Variants in ACYP2 observed in about 807,000 individuals in gnomAD.
The protein encoded by ACYP2 is acylphosphatase-2.
Under a neutral mutation model 11.2 loss-of-function variants are expected in ACYP2, and 12 were observed. The ratio of observed to expected loss-of-function variants is 1.08; its 90% CI spans 0.69 to 1.74. The LOEUF (loss-of-function observed/expected upper bound fraction) is 1.74, where lower values mean the gene tolerates loss of function less well. Ranked by LOEUF, ACYP2 falls within the 40% of genes most tolerant of loss-of-function variation. The probability of loss-of-function intolerance (pLI) is 0.00; values close to 1 mark genes in which losing one functional copy is unlikely to be tolerated. For missense variants in ACYP2, 134 were observed against 101.9 expected (o/e 1.31, Z -1.35); for synonymous variants, 43 against 32.2 (o/e 1.33, Z -1.13).
At chr2:54,295,365 G>A (rs954892489) in intron 6 of ACYP2, among the ~76,000 whole-genome samples, 6 of 152,168 alleles carry the variant, frequency 3.9e-5, no homozygotes, top group African/African-American at 9.7e-5. Flanking sequence ...GGACTACCAT[G>A]AGTAAAATAT....
intron 6 of ACYP2, among the ~76,000 whole-genome samples, chr2:54,172,321 T>G (rs1420100712): frequency 6.6e-6 from 1 of 152,224 alleles, no homozygotes; most frequent in Non-Finnish European, 1.5e-5. Context: ...CAAAAGTCAT[T>G]ACTTAAGGCA....
intron 2 of ACYP2, among the ~76,000 whole-genome samples, chr2:53,986,497 C>G (rs1672044550): frequency 6.6e-6 from 1 of 151,654 alleles, no homozygotes; most frequent in Non-Finnish European, 1.5e-5. Flanking sequence ...GCACCACACT[C>G]AGCTAATTTG....
chr2:54,166,050 A>G (rs1682954712), intron 6 of ACYP2, among the ~76,000 whole-genome samples: 1 of 152,158 alleles, frequency 6.6e-6, no homozygotes, highest in Non-Finnish European at 1.5e-5. Flanking sequence ...CCATCCAGCA[A>G]TATCAGACCC....
chr2:54,188,759 C>T (rs148234248), intron 6 of ACYP2, among the ~76,000 whole-genome samples: 2 of 152,302 alleles, frequency 1.3e-5, no homozygotes, highest in East Asian at 3.9e-4. Flanking sequence ...GGCCCCACCC[C>T]AGACCTCCCA....
intron 2 of ACYP2, among the ~76,000 whole-genome samples, chr2:53,984,441 G>A (rs182841992): frequency 1.6e-4 from 25 of 152,032 alleles, no homozygotes; most frequent in Non-Finnish European, 2.5e-4. Context: ...GCTGGGTGTG[G>A]TGGTGCATGC....
intron 4 of ACYP2, among the ~76,000 whole-genome samples, chr2:54,078,873 C>T (rs1450177158): frequency 6.6e-6 from 1 of 152,220 alleles, no homozygotes; most frequent in Non-Finnish European, 1.5e-5. Flanking sequence ...GCTGGGACTA[C>T]AGGCATGAGC....
chr2:54,203,986 G>A (rs1684963020), intron 6 of ACYP2, among the ~76,000 whole-genome samples: 1 of 151,934 alleles, frequency 6.6e-6, no homozygotes, highest in African/African-American at 2.4e-5. Context: ...TGAGGTTTTT[G>A]TTGTTGTTGT....
intron 4 of ACYP2, among the ~76,000 whole-genome samples, chr2:54,058,376 A>C (rs1456599972): frequency 6.6e-6 from 1 of 151,402 alleles, no homozygotes; most frequent in African/African-American, 2.4e-5. Context: ...TTAAATCTTC[A>C]GTAGTTTTTC....
chr2:54,139,849 C>G (rs1374641745), intron 6 of ACYP2, among the ~76,000 whole-genome samples: 2 of 152,164 alleles, frequency 1.3e-5, no homozygotes, highest in Admixed American at 6.5e-5. Context: ...CTTTCTACAG[C>G]TTTCTCTTTC....
intron 6 of ACYP2, among the ~76,000 whole-genome samples, chr2:54,200,750 T>C (rs551109041): frequency 6.6e-6 from 1 of 152,330 alleles, no homozygotes. Flanking sequence ...CATATGTTAT[T>C]TGTTCTCTTG....
chr2:53,988,036 T>C (rs1342726368), intron 2 of ACYP2, among the ~76,000 whole-genome samples: 1 of 152,182 alleles, frequency 6.6e-6, no homozygotes, highest in Non-Finnish European at 1.5e-5. Flanking sequence ...TTATCAGTTT[T>C]TCCTTTAACG....
chr2:54,083,110 C>T (rs1677754687), intron 4 of ACYP2, among the ~76,000 whole-genome samples: 1 of 150,840 alleles, frequency 6.6e-6, no homozygotes, highest in Non-Finnish European at 1.5e-5. Flanking sequence ...CACTATTTCT[C>T]AGGAAAATTA....
chr2:54,113,084 G>A (rs562339370), intron 4 of ACYP2, among the ~76,000 whole-genome samples: 2 of 152,268 alleles, frequency 1.3e-5, no homozygotes, highest in African/African-American at 2.4e-5. Flanking sequence ...GAATGTTCAA[G>A]TTCCTAATAG....
intron 6 of ACYP2, among the ~76,000 whole-genome samples, chr2:54,297,667 C>T (rs2104161016): frequency 6.6e-6 from 1 of 152,174 alleles, no homozygotes; most frequent in South Asian, 2.1e-4. Context: ...TTCAGTAAGG[C>T]ATCTGATTAC....
At chr2:54,159,966 C>A (rs1051299703) in intron 6 of ACYP2, among the ~76,000 whole-genome samples, 6 of 152,176 alleles carry the variant, frequency 3.9e-5, no homozygotes, top group African/African-American at 1.4e-4. Flanking sequence ...TGTGTTGTAG[C>A]CCCTCACTGT....
At chr2:54,245,464 A>G (rs1686905919) in intron 6 of ACYP2, among the ~76,000 whole-genome samples, 1 of 152,078 alleles carries the variant, frequency 6.6e-6, no homozygotes, top group African/African-American at 2.4e-5. Context: ...TGTTCTCCAT[A>G]GTGGTTTTGT....
intron 2 of ACYP2, among the ~76,000 whole-genome samples, chr2:54,012,346 CTAAA>C (rs1403018830): frequency 6.6e-6 from 1 of 151,774 alleles, no homozygotes. Flanking sequence ...CTCCTATCTA[CTAAA>C]TAAATAAATA....
At chr2:54,208,873 G>A (rs1685207692) in intron 6 of ACYP2, among the ~76,000 whole-genome samples, 1 of 152,154 alleles carries the variant, frequency 6.6e-6, no homozygotes, top group South Asian at 2.1e-4. Flanking sequence ...TTGTGTGTGT[G>A]TGTGCATATA....
intron 6 of ACYP2, among the ~76,000 whole-genome samples, chr2:54,287,703 A>G (rs1459459885): frequency 6.6e-6 from 1 of 152,042 alleles, no homozygotes; most frequent in African/African-American, 2.4e-5. Flanking sequence ...GAGCTGTTGC[A>G]GAACCCAGCT....
Sources: allele counts gnomAD v4.1 joint callset (sites outside exome capture counted in the v4.1 genomes callset), GRCh38; gene constraint gnomAD v4.1.1; transcripts MANE v1.5; gene names NCBI Gene and HGNC (gene_info 2026-07-23, HGNC 2026-07-21).